Variants in WTAP observed in about 807,000 individuals in gnomAD.
The protein encoded by WTAP is pre-mRNA-splicing regulator WTAP.
Under a neutral mutation model 50.0 loss-of-function variants are expected in WTAP, and 8 were observed. The ratio of observed to expected loss-of-function variants is 0.16; its 90% confidence interval spans 0.09 to 0.29. WTAP has a LOEUF of 0.29. WTAP is among the 10% of genes least tolerant of loss of function. The pLI, the probability that WTAP is intolerant of heterozygous loss-of-function variation, is 1.00. For missense variants in WTAP, 295 were observed against 470.7 expected (o/e 0.63, Z 3.45); for synonymous variants, 194 against 169.0 (o/e 1.15, Z -1.15).
chr6:159,732,884 ATAGT>A (rs1562452324), intron 1 of WTAP, among the ~76,000 whole-genome samples: 5 of 83,486 alleles, frequency 6.0e-5, no homozygotes, highest in South Asian at 5.4e-4. Context: ...GTATATATAT[ATAGT>A]GTGTGTGTGT....
intron 2 of WTAP, 60 bp downstream of exon 2, chr6:159,736,355 AGCACTTT>A: frequency 7.4e-7 from 1 of 1,347,408 alleles, no homozygotes; most frequent in African/African-American, 1.5e-5. Context: ...GGCTTTTTTA[AGCACTTT>A]AAAAAAAAAT....
At chr6:159,741,832 T>C in intron 3 of WTAP, 1 of 302,758 alleles carries the variant, frequency 3.3e-6, no homozygotes, top group South Asian at 3.6e-5. Flanking sequence ...TACAAAAAAA[T>C]GAGCCATGTG....
At chr6:159,751,896 T>C (rs1236742697) in intron 6 of WTAP, among the ~76,000 whole-genome samples, 1 of 152,042 alleles carries the variant, frequency 6.6e-6, no homozygotes, top group East Asian at 1.9e-4. Context: ...ACCCCATCTC[T>C]ACTAAAAATC....
intron 3 of WTAP, among the ~76,000 whole-genome samples, chr6:159,740,736 G>A (rs1434786349): frequency 7.1e-6 from 1 of 140,636 alleles, no homozygotes; most frequent in South Asian, 2.2e-4. Flanking sequence ...ACAGAGTCTC[G>A]CTCTGTCACC....
chr6:159,729,789 A>T (rs143194461), intron 1 of WTAP, among the ~76,000 whole-genome samples: 71 of 152,286 alleles, frequency 4.7e-4, no homozygotes, highest in Middle Eastern at 3.4e-3. Context: ...TCTTACATTC[A>T]GCTATGATTT....
chr6:159,727,848 C>G (rs866534852), intron 1 of WTAP, 145 bp downstream of exon 1: 1 of 522,634 alleles, frequency 1.9e-6, no homozygotes, highest in South Asian at 8.2e-5. Flanking sequence ...TCGTGAGCCG[C>G]TCTACCTTCC....
At position 159,748,077 on chromosome 6, in the gene WTAP, G is replaced by C; in HGVS notation, c.274-114G>C. The C allele has an allele frequency of 7.8e-7, 1 of 1,288,938 alleles. No homozygotes were observed. Among genetic ancestry groups the C allele is most frequent in the Non-Finnish European group, 1.1e-6 (1 of 943,504 alleles). The allele number at this position is 1,288,938 out of a possible 1,614,324, so 79.8% of individuals were successfully genotyped here. ...TTCTAGAGAATTTCAGGATCAAAGA[G>C]GGGAGGAGCTTAATGAAAGAGTTGG... On this transcript the variant is annotated intron_variant, in intron 5 of 7. Coordinates refer to ENST00000621533, the MANE Select transcript of WTAP (RefSeq NM_001270531.2). This position sits in a 1 kb window ranked among gnomAD's most constrained non-coding sequence, Gnocchi z 5.6.
intron 1 of WTAP, among the ~76,000 whole-genome samples, chr6:159,732,885 T>TTGTGTG (rs1562452331): frequency 2.1e-4 from 12 of 56,914 alleles, no homozygotes; most frequent in Admixed American, 1.1e-3. Flanking sequence ...TATATATATA[T>TTGTGTG]AGTGTGTGTG....
At chr6:159,733,856 C>T (rs564156355) in intron 1 of WTAP, among the ~76,000 whole-genome samples, 17 of 152,190 alleles carry the variant, frequency 1.1e-4, no homozygotes, top group African/African-American at 3.4e-4. Context: ...GCGGAGGTTG[C>T]GGTGAGCCGA....
intron 6 of WTAP, among the ~76,000 whole-genome samples, chr6:159,751,402 T>C (rs1402990687): frequency 6.6e-6 from 1 of 152,200 alleles, no homozygotes; most frequent in Non-Finnish European, 1.5e-5. Flanking sequence ...TAAACACCAA[T>C]GAAATATATA....
chr6:159,731,959 A>ATACC (rs112174698), intron 1 of WTAP, among the ~76,000 whole-genome samples: 6,517 of 152,222 alleles, frequency 0.043, 226 homozygotes, highest in African/African-American at 0.082. Context: ...AAGAATATGG[A>ATACC]TACCTGTCTT....
At chr6:159,734,774 C>G (rs780773087) in intron 1 of WTAP, among the ~76,000 whole-genome samples, 2 of 152,170 alleles carry the variant, frequency 1.3e-5, no homozygotes, top group African/African-American at 2.4e-5. Flanking sequence ...AACCCTGATT[C>G]AATTTTTTAA....
At position 159,729,482 on chromosome 6, in the gene WTAP, T is replaced by G. The variant is rs142476690; in HGVS notation, c.-9+1779T>G. On this transcript the variant is annotated intron_variant, in intron 1 of 7. Transcript: ENST00000621533. ...AAAATATATTGCTGTAAATATTTTCTGCCTTTGAAGATGTAGTTAATAGAA... is the reference window on the plus strand; with the variant it reads ...AAAATATATTGCTGTAAATATTTTCGGCCTTTGAAGATGTAGTTAATAGAA... 7.2e-5 allele frequency among the ~76,000 whole-genome samples: 11 copies of G among 152,364 alleles called. No homozygotes were observed. The East Asian group carries it at 2.1e-3, about 29-fold the overall frequency.
chr6:159,754,845 C>T (rs1321201217), intron 7 of WTAP, among the ~76,000 whole-genome samples, 183 bp from the exon 8 acceptor site: 3 of 152,072 alleles, frequency 2.0e-5, no homozygotes, highest in African/African-American at 4.8e-5. Flanking sequence ...TATCTGACTT[C>T]CCCCAAAACA....
In WTAP at chr6:159,739,020, A is replaced by T; in HGVS notation, c.61A>T (p.Met21Leu). 6.2e-7 allele frequency: 1 copy of T among 1,612,070 alleles called. No individual in the cohort carries two copies. The highest frequency in any genetic ancestry group is 8.5e-7 in the Non-Finnish European group (1 of 1,178,906). Residue 21 changes from methionine (M) to leucine (L), a missense_variant, in exon 3 of 8, where the codon ATG becomes TTG. Around this residue, in one of 2 missense-constraint regions of WTAP, gnomAD observed 120 missense variants for 287.6 expected, o/e 0.42. Coordinates refer to ENST00000621533, the MANE Select transcript of WTAP (RefSeq NM_001270531.2). The stretch of plus-strand genomic sequence containing the variant: ...ATTGAGTGAAACAGACTTCAAAGTT[A>T]TGGCAAGAGATGAGTTAATTCTAAG... ...VRLSETDFKV[M>L]ARDELILRWK... is the part of the protein sequence containing the mutation.
chr6:159,732,238 T>C (rs139581547), intron 1 of WTAP, among the ~76,000 whole-genome samples: 3 of 152,304 alleles, frequency 2.0e-5, no homozygotes, highest in Non-Finnish European at 1.5e-5. Flanking sequence ...TATAATAACT[T>C]TTATAAGCTG....
chr6:159,745,742 A>T (rs1193191537), intron 5 of WTAP, among the ~76,000 whole-genome samples: 2 of 152,220 alleles, frequency 1.3e-5, no homozygotes, highest in Non-Finnish European at 2.9e-5. Context: ...CTCTGACTTG[A>T]GTATGAAAGA....
At chr6:159,736,335 GT>G in intron 2 of WTAP, 40 bp downstream of exon 2, 5 of 1,502,006 alleles carry the variant, frequency 3.3e-6, no homozygotes, top group Non-Finnish European at 4.6e-6. Flanking sequence ...TTTGTTTTGG[GT>G]TTTTTGGGGG....
At chr6:159,726,900 C>T (rs1288607208), upstream of WTAP, 3 of 1,288,968 alleles carry the variant, frequency 2.3e-6, no homozygotes, top group South Asian at 1.2e-5. Flanking sequence ...CGCCCACGGC[C>T]TCTCTCTTGA....
Sources: allele counts gnomAD v4.1 joint callset (sites outside exome capture counted in the v4.1 genomes callset), GRCh38; gene constraint gnomAD v4.1.1; regional missense constraint gnomAD v4.1.1; non-coding constraint Gnocchi (gnomAD v3.1); transcripts MANE v1.5; gene names NCBI Gene and HGNC (gene_info 2026-07-23, HGNC 2026-07-21).